Variants in MTDH observed in about 807,000 individuals in gnomAD.
MTDH encodes metadherin.
MTDH carries 34 observed loss-of-function variants against 72.7 expected under a neutral mutation model. That is an observed-to-expected ratio of 0.47 (90% CI 0.36 to 0.62). MTDH has a LOEUF of 0.62. MTDH is among the 20% of genes least tolerant of loss of function. The pLI is 0.00. For missense variants in MTDH, 677 were observed against 699.4 expected (o/e 0.97, Z 0.36); for synonymous variants, 266 against 268.9 (o/e 0.99, Z 0.10).
chr8:97,685,287 GATA>G (rs958212627), intron 2 of MTDH, among the ~76,000 whole-genome samples: 3 of 151,928 alleles, frequency 2.0e-5, no homozygotes, highest in African/African-American at 7.3e-5. Context: ...ACATGTTAAT[GATA>G]ATGAGAACAT....
At chr8:97,713,618 C>A in intron 8 of MTDH, 44 bp from the exon 9 acceptor site, 2 of 1,101,998 alleles carry the variant, frequency 1.8e-6, no homozygotes, top group Non-Finnish European at 1.3e-6. Flanking sequence ...ATAATGGACA[C>A]ATAACCATTT....
intron 1 of MTDH, among the ~76,000 whole-genome samples, chr8:97,652,129 T>C (rs1366775211): frequency 1.3e-5 from 2 of 152,226 alleles, no homozygotes; most frequent in Admixed American, 6.5e-5. Flanking sequence ...CTCAACGCAC[T>C]AGTAATGAGT....
At chr8:97,677,004 CAAAAAAAAAAAAA>C (rs57430782) in intron 2 of MTDH, among the ~76,000 whole-genome samples, 21 of 23,322 alleles carry the variant, frequency 9.0e-4, no homozygotes, top group Non-Finnish European at 1.1e-3. Context: ...GACTCTATCT[CAAAAAAAAAAAAA>C]AAAAAAAATA....
Position 97,697,119 on chromosome 8 carries a change from C to CA in MTDH, c.1049-2624dup, listed in dbSNP as rs1176302781. Among the ~76,000 whole-genome samples the CA allele has an allele frequency of 9.0e-4, 57 of 63,048 alleles. 8 individuals are homozygous for CA. The highest frequency in any genetic ancestry group is 1.7e-3 in the African/African-American group (14 of 8,180). The allele number at this position is 63,048 out of a possible 152,430, so 41.4% of individuals were successfully genotyped here. On this transcript the variant is annotated intron_variant, in intron 6 of 11. Transcript: ENST00000336273. ...GGTGACAGAGTGAGACTCTGTCTCACAAAAAAAAAAATATATATATATATA... is the reference window on the plus strand; with the variant it reads ...GGTGACAGAGTGAGACTCTGTCTCACAAAAAAAAAAAATATATATATATATA...
At chr8:97,684,981 G>A (rs1813302355) in intron 2 of MTDH, among the ~76,000 whole-genome samples, 1 of 152,182 alleles carries the variant, frequency 6.6e-6, no homozygotes, top group Non-Finnish European at 1.5e-5. Flanking sequence ...CCGGAGAATT[G>A]CTTGAACCTG....
At chr8:97,724,182 G>T (rs1423327369) in intron 11 of MTDH, among the ~76,000 whole-genome samples, 1 of 152,172 alleles carries the variant, frequency 6.6e-6, no homozygotes, top group African/African-American at 2.4e-5. Flanking sequence ...GAACTTTCAT[G>T]CCTGCCTGCT....
chr8:97,695,943 C>T (rs1271398907), intron 6 of MTDH, among the ~76,000 whole-genome samples: 1 of 152,170 alleles, frequency 6.6e-6, no homozygotes, highest in Non-Finnish European at 1.5e-5. Context: ...AAGCTGCATT[C>T]GTGGCTCAGC....
Position 97,725,385 on chromosome 8 carries a change from T to C in MTDH, c.*715T>C, listed in dbSNP as rs1182891644. The C allele has an allele frequency of 1.3e-5, 2 of 152,578 alleles. No individual in the cohort carries two copies. Among genetic ancestry groups the C allele is most frequent in the Non-Finnish European group, 2.9e-5 (2 of 68,024 alleles). The allele number at this position is 152,578 out of a possible 1,614,324, so 9.5% of individuals were successfully genotyped here. A position where few individuals can be genotyped will look rare whatever the true frequency, so the allele number is the denominator to read the frequency against. On this transcript the variant is annotated 3_prime_UTR_variant, in exon 12 of 12. Coordinates refer to ENST00000336273, the MANE Select transcript of MTDH (RefSeq NM_178812.4). Reference sequence around the variant, plus strand: ...GAAAAGTGAACTATATGTATTTGTTTTATACATTTAAGGCTTAGACTCATA... The same window carrying C: ...GAAAAGTGAACTATATGTATTTGTTCTATACATTTAAGGCTTAGACTCATA...
chr8:97,714,857 G>C (rs1206353130), intron 9 of MTDH, among the ~76,000 whole-genome samples: 6 of 150,808 alleles, frequency 4.0e-5, no homozygotes, highest in Non-Finnish European at 8.9e-5. Flanking sequence ...ACAGAGTCTT[G>C]TTCTGTTGCC....
At chr8:97,647,407 T>TA (rs1270699031) in intron 1 of MTDH, among the ~76,000 whole-genome samples, 1 of 152,026 alleles carries the variant, frequency 6.6e-6, no homozygotes, top group East Asian at 1.9e-4. Flanking sequence ...ACAAAAAATT[T>TA]AAAAAATTAG....
intron 1 of MTDH, among the ~76,000 whole-genome samples, chr8:97,649,642 G>A (rs1182082051): frequency 1.3e-5 from 2 of 152,064 alleles, no homozygotes; most frequent in East Asian, 3.9e-4. Flanking sequence ...GTCTCACTTT[G>A]TCCCAGGCTG....
intron 11 of MTDH, among the ~76,000 whole-genome samples, chr8:97,724,125 C>G (rs978746618): frequency 6.6e-5 from 10 of 152,168 alleles, no homozygotes; most frequent in African/African-American, 2.4e-4. Context: ...ATCAATCTAT[C>G]TATCTATCTC....
At chr8:97,723,606 G>A (rs7838518) in intron 11 of MTDH, among the ~76,000 whole-genome samples, 5,063 of 149,518 alleles carry the variant, frequency 0.034, 262 homozygotes, top group African/African-American at 0.12. Flanking sequence ...AGCCGGGCGT[G>A]GTGGCAGGCA....
chr8:97,701,130 T>G (rs1438794826), intron 7 of MTDH, among the ~76,000 whole-genome samples: 1 of 152,110 alleles, frequency 6.6e-6, no homozygotes, highest in Non-Finnish European at 1.5e-5. Flanking sequence ...GCAAATAATG[T>G]GTCATATCTG....
At chr8:97,671,123 G>A (rs1162882138) in intron 2 of MTDH, among the ~76,000 whole-genome samples, 2 of 151,876 alleles carry the variant, frequency 1.3e-5, no homozygotes, top group African/African-American at 2.4e-5. Flanking sequence ...CCACCACCGC[G>A]CCCGGCTAAT....
In MTDH at chr8:97,719,204, T is replaced by C. The variant is rs201432988; in HGVS notation, c.1521+15T>C. 5.6e-6 allele frequency: 9 copies of C among 1,609,110 alleles called. No homozygotes were observed. The highest frequency in any genetic ancestry group is 7.6e-6 in the Non-Finnish European group (9 of 1,178,636). The stretch of plus-strand genomic sequence containing the variant: ...AAAATAGCCAGGTAATTTTTAAGAA[T>C]AATAAAGTTGCCGGGCGCAGTGGCT... On this transcript the variant is annotated intron_variant, in intron 10 of 11. Coordinates refer to ENST00000336273, the MANE Select transcript of MTDH (RefSeq NM_178812.4).
At chr8:97,697,150 A>ATATATATTTTTTTT in intron 6 of MTDH, among the ~76,000 whole-genome samples, 9 of 68,792 alleles carry the variant, frequency 1.3e-4, no homozygotes, top group African/African-American at 8.2e-4. Context: ...ATATATATAT[A>ATATATATTTTTTTT]TTTTTTTTTT....
At position 97,708,581 on chromosome 8, in the gene MTDH, C is replaced by CTTTTTTTTTTTT. The variant is rs1174573079; in HGVS notation, c.1272+1858_1272+1869dup. On this transcript the variant is annotated intron_variant, in intron 8 of 11. Coordinates refer to ENST00000336273, the MANE Select transcript of MTDH (RefSeq NM_178812.4). Reference sequence around the variant, plus strand: ...ACAGGCATGAGCCACCATGCCAGGCCTTTTTTTTTTTTTTTTTTTTTTTTT... The same window carrying CTTTTTTTTTTTT: ...ACAGGCATGAGCCACCATGCCAGGCCTTTTTTTTTTTTTTTTTTTTTTTTTTTTTTTTTTTTT... Among the ~76,000 whole-genome samples, 2 of 30,258 alleles carry CTTTTTTTTTTTT rather than the reference C, an allele frequency of 6.6e-5. 1 individual carries two copies. The highest frequency in any genetic ancestry group is 4.9e-4 in the African/African-American group (2 of 4,076). The allele number at this position is 30,258 out of a possible 152,430, so 19.9% of individuals were successfully genotyped here.
chr8:97,704,282 G>A (rs1003358291), intron 7 of MTDH, among the ~76,000 whole-genome samples: 6 of 152,194 alleles, frequency 3.9e-5, no homozygotes, highest in African/African-American at 9.6e-5. Flanking sequence ...CAAGCTGCAC[G>A]TGCAGAAGGA....
Sources: allele counts gnomAD v4.1 joint callset (sites outside exome capture counted in the v4.1 genomes callset), GRCh38; gene constraint gnomAD v4.1.1; transcripts MANE v1.5; gene names NCBI Gene and HGNC (gene_info 2026-07-23, HGNC 2026-07-21).